The following KCNAB2 variants were observed in gnomAD, a reference collection of about 807,000 sequenced individuals.
KCNAB2 encodes the protein voltage-gated potassium channel subunit beta-2.
KCNAB2 carries 29 observed loss-of-function variants against 63.6 expected under a neutral mutation model. The observed-to-expected ratio is 0.46, with a 90% CI of 0.34 to 0.62. KCNAB2 has a LOEUF of 0.62. Among genes scored for constraint, KCNAB2 ranks in the 20% least tolerant of loss-of-function variants. The pLI is 0.01. For missense variants in KCNAB2, 359 were observed against 563.9 expected (o/e 0.64, Z 3.68); for synonymous variants, 222 against 224.2 (o/e 0.99, Z 0.09).
At chr1:6,021,606 GGTTCAGTGGTATTGAGTATACA>G (rs1444545868) in intron 1 of KCNAB2, among the ~76,000 whole-genome samples, 7 of 142,066 alleles carry the variant, frequency 4.9e-5, no homozygotes, top group South Asian at 4.6e-4. Flanking sequence ...TTGAGGGTAT[GGTTCAGTGGTATTGAGTATACA>G]GTTCAGTGGT....
intron 2 of KCNAB2, among the ~76,000 whole-genome samples, chr1:6,065,187 G>A (rs1458291345): frequency 6.6e-6 from 1 of 152,218 alleles, no homozygotes; most frequent in Non-Finnish European, 1.5e-5. Flanking sequence ...GCACTGCCTT[G>A]CTTGGAGCTG....
chr1:6,052,587 T>C (rs948264898), intron 2 of KCNAB2, among the ~76,000 whole-genome samples: 3 of 152,170 alleles, frequency 2.0e-5, no homozygotes, highest in Non-Finnish European at 2.9e-5. Context: ...ACATTCTTTT[T>C]AGTGCGCTTG....
rs1665982732 is a variant in KCNAB2, at chr1:6,100,821, T to C, written c.*2247T>C. On this transcript the variant is annotated 3_prime_UTR_variant, in exon 16 of 16. Transcript: ENST00000378083. ...AGGTCCCCCCTCTCGGGAGGAGGTA[T>C]TGGGTAGGACCATCCAAGAAAGGGC... The C allele has an allele frequency of 2.0e-5, 3 of 152,168 alleles. No individual in the cohort carries two copies. The highest frequency in any genetic ancestry group is 2.9e-5 in the Non-Finnish European group (2 of 68,054). 9.4% of individuals were successfully genotyped at this position (152,168 alleles called of 1,614,324 possible).
intron 1 of KCNAB2, among the ~76,000 whole-genome samples, chr1:6,027,615 G>T (rs576189224): frequency 6.6e-6 from 1 of 152,226 alleles, no homozygotes; most frequent in Admixed American, 6.5e-5. Flanking sequence ...CAAAAGTCTA[G>T]ACCTGTCGTA....
chr1:6,099,833 G>C lies in KCNAB2; in HGVS notation c.*1259G>C, dbSNP rs1178574939. 1.9e-6 allele frequency: 3 copies of C among 1,540,270 alleles called. No individual in the cohort carries two copies. The highest frequency in any genetic ancestry group is 1.4e-5 in the African/African-American group (1 of 73,036). On this transcript the variant is annotated 3_prime_UTR_variant, in exon 16 of 16. Transcript: ENST00000378083. The stretch of plus-strand genomic sequence containing the variant: ...CCTGGGACAGGCTGGGCAGAGGGGA[G>C]AGAGGGCAGGACAGGCCAGAGTGAC...
intron 5 of KCNAB2, among the ~76,000 whole-genome samples, chr1:6,082,530 G>A (rs537336591): frequency 6.6e-5 from 10 of 152,310 alleles, no homozygotes; most frequent in African/African-American, 2.4e-4. Flanking sequence ...TGCCAAAGAT[G>A]CTGTGCTGGG....
At chr1:6,011,805 G>T (rs1433047627) in intron 1 of KCNAB2, among the ~76,000 whole-genome samples, 1 of 152,216 alleles carries the variant, frequency 6.6e-6, no homozygotes, top group Non-Finnish European at 1.5e-5. Context: ...CCCAGGGCAG[G>T]GGGGTGGGCT....
At chr1:6,031,811 C>T (rs897128068), upstream of KCNAB2, among the ~76,000 whole-genome samples, 5 of 152,080 alleles carry the variant, frequency 3.3e-5, no homozygotes, top group African/African-American at 1.2e-4. The surrounding 1 kb of genome is among the most constrained non-coding windows in gnomAD (Gnocchi z 4.1). Context: ...ATCCCTTGAG[C>T]CCCATAGGTC....
chr1:6,058,890 C>T (rs904978330), intron 2 of KCNAB2, among the ~76,000 whole-genome samples: 6 of 151,906 alleles, frequency 3.9e-5, no homozygotes, highest in Non-Finnish European at 7.4e-5. Context: ...GGGCTTGGGT[C>T]GGGGCTGGGA....
chr1:6,005,370 A>G (rs116536461), intron 1 of KCNAB2, among the ~76,000 whole-genome samples: 38 of 2,786 alleles, frequency 0.014, 9 homozygotes, highest in Admixed American at 0.056. Flanking sequence ...TGAGCTGAGG[A>G]GTGAGGGTGA....
At chr1:6,091,692 T>A (rs1665201178) in intron 10 of KCNAB2, among the ~76,000 whole-genome samples, 1 of 152,060 alleles carries the variant, frequency 6.6e-6, no homozygotes, top group African/African-American at 2.4e-5. Flanking sequence ...AGCAAAGCCA[T>A]CAGGGACCCC....
At chr1:6,002,363 G>C (rs1328442869) in intron 1 of KCNAB2, among the ~76,000 whole-genome samples, 1 of 152,250 alleles carries the variant, frequency 6.6e-6, no homozygotes, top group Non-Finnish European at 1.5e-5. Flanking sequence ...GACAGCCGTG[G>C]CCTCTGGGGC....
At chr1:6,009,774 C>G (rs1301074186) in intron 1 of KCNAB2, among the ~76,000 whole-genome samples, 1 of 152,292 alleles carries the variant, frequency 6.6e-6, no homozygotes, top group East Asian at 1.9e-4. Flanking sequence ...GGTGTTCCCT[C>G]TCTGTCTCTC....
rs1665903515 is a variant in KCNAB2, at chr1:6,099,683, G to A, written c.*1109G>A. 1 of 1,343,342 alleles carries A rather than the reference G, an allele frequency of 7.4e-7. No individual in the cohort carries two copies. The highest frequency in any genetic ancestry group is 3.0e-5 in the Admixed American group (1 of 33,558). 83.2% of individuals were successfully genotyped at this position (1,343,342 alleles called of 1,614,324 possible). ...CCTTTCAGTAAGGAAGGGTCTTTGG[G>A]GTTTTCTGTGCCCATGACTTGGGGG... On this transcript the variant is annotated 3_prime_UTR_variant, in exon 16 of 16. Coordinates refer to ENST00000378083, the MANE Select transcript of KCNAB2 (RefSeq NM_001199862.2).
At chr1:6,034,565 C>T (rs150796221) in exon 1 of KCNAB2, 1,967 of 152,410 alleles carry the variant, frequency 0.013, 16 homozygotes, top group Middle Eastern at 0.034. Context: ...CCCAGGGACG[C>T]CTCCCTGAGT....
chr1:6,030,533 G>A (rs569555150), upstream of KCNAB2, among the ~76,000 whole-genome samples: 30 of 152,104 alleles, frequency 2.0e-4, no homozygotes, highest in Admixed American at 1.8e-3. Flanking sequence ...GTGTATGTGT[G>A]TGTACATATG....
chr1:6,038,626 T>G (rs1368694534), intron 1 of KCNAB2, among the ~76,000 whole-genome samples: 1 of 152,186 alleles, frequency 6.6e-6, no homozygotes, highest in African/African-American at 2.4e-5. Context: ...TCTACACATG[T>G]GCTCACATCG....
In KCNAB2 at chr1:6,024,374, G is replaced by A. The variant is rs150095463; in HGVS notation, c.-52-16143G>A. On this transcript the variant is annotated intron_variant, in intron 1 of 16. Transcript: ENST00000341524. This position sits in a 1 kb window ranked among gnomAD's most constrained non-coding sequence, Gnocchi z 5.4. The stretch of plus-strand genomic sequence containing the variant: ...TGCTGGGTTACAGGTGTGAGCCACC[G>A]CACCCAGCCAGTAGTGTCTTTTAAA... Among the ~76,000 whole-genome samples, 2,379 of 152,256 alleles carry A rather than the reference G, an allele frequency of 0.016. 78 individuals are homozygous for A. Among genetic ancestry groups the A allele is most frequent in the African/African-American group, 0.054 (2,234 of 41,522 alleles).
chr1:6,040,470 T>C, intron 1 of KCNAB2: 1 of 1,078,620 alleles, frequency 9.3e-7, no homozygotes, highest in South Asian at 1.3e-5. Context: ...GGTTGATCTT[T>C]TTTAACCACC....
Sources: allele counts gnomAD v4.1 joint callset (sites outside exome capture counted in the v4.1 genomes callset), GRCh38; gene constraint gnomAD v4.1.1; non-coding constraint Gnocchi (gnomAD v3.1); transcripts MANE v1.5; gene names NCBI Gene and HGNC (gene_info 2026-07-23, HGNC 2026-07-21).